The following RBFOX1 variants were observed in gnomAD, a reference collection of about 807,000 sequenced individuals.
RBFOX1 encodes the protein RNA binding protein fox-1 homolog 1.
In RBFOX1, 8 loss-of-function variants were observed where a neutral mutation model predicts 57.7. The observed-to-expected ratio is 0.14, with a 90% CI of 0.08 to 0.25. RBFOX1 has a LOEUF of 0.25. Ranked by LOEUF, RBFOX1 falls within the 10% of genes least tolerant of loss-of-function variation. The probability of loss-of-function intolerance (pLI) is 1.00; values close to 1 mark genes in which losing one functional copy is unlikely to be tolerated. For missense variants in RBFOX1, 611 were observed against 548.5 expected, an observed-to-expected ratio of 1.11 and a Z score of -1.14; for synonymous variants, 326 against 222.4, an observed-to-expected ratio of 1.47 and a Z score of -4.15.
At chr16:5,450,634 C>G (rs1287519460) in intron 1 of RBFOX1, among the ~76,000 whole-genome samples, 3 of 152,062 alleles carry the variant, frequency 2.0e-5, no homozygotes, top group African/African-American at 7.2e-5. Context: ...ATCTCAGTGC[C>G]AAGGAAAGGA....
At chr16:6,264,730 G>C (rs2097722640) in intron 1 of RBFOX1, among the ~76,000 whole-genome samples, 1 of 152,202 alleles carries the variant, frequency 6.6e-6, no homozygotes, top group Non-Finnish European at 1.5e-5. Context: ...CTAAGTGCCA[G>C]GCAGGTGCTC....
intron 4 of RBFOX1, among the ~76,000 whole-genome samples, chr16:7,443,863 G>A (rs188161530): frequency 9.2e-5 from 14 of 152,280 alleles, no homozygotes; most frequent in East Asian, 1.9e-4. Flanking sequence ...TGCACGTGGC[G>A]TGAAAATTTT....
intron 2 of RBFOX1, among the ~76,000 whole-genome samples, chr16:6,380,079 G>A (rs2091636060): frequency 6.6e-6 from 1 of 152,124 alleles, no homozygotes; most frequent in African/African-American, 2.4e-5. Flanking sequence ...GATTTGAAGA[G>A]AGTAGCATTT....
At chr16:6,390,846 C>T (rs1003370945) in intron 2 of RBFOX1, among the ~76,000 whole-genome samples, 2 of 151,956 alleles carry the variant, frequency 1.3e-5, no homozygotes, top group African/African-American at 2.4e-5. Context: ...AAGAAAGAGC[C>T]GGGCCAGGGT....
intron 1 of RBFOX1, among the ~76,000 whole-genome samples, chr16:5,253,007 C>A (rs951924221): frequency 7.9e-5 from 12 of 152,238 alleles, no homozygotes; most frequent in African/African-American, 2.9e-4. Flanking sequence ...GTGCCTGATT[C>A]ATCAGCGTGA....
chr16:6,464,725 A>T (rs1181666539), intron 2 of RBFOX1, among the ~76,000 whole-genome samples: 1 of 152,256 alleles, frequency 6.6e-6, no homozygotes, highest in Non-Finnish European at 1.5e-5. Context: ...TACACCTTCC[A>T]TATGGATTAC....
At chr16:5,292,048 A>T (rs1049646975) in intron 1 of RBFOX1, among the ~76,000 whole-genome samples, 2 of 151,666 alleles carry the variant, frequency 1.3e-5, no homozygotes, top group African/African-American at 4.9e-5. Flanking sequence ...CCCTAAACAT[A>T]TGAATGTTTT....
chr16:5,409,127 C>T (rs2066944018), intron 1 of RBFOX1, among the ~76,000 whole-genome samples: 1 of 152,196 alleles, frequency 6.6e-6, no homozygotes, highest in Non-Finnish European at 1.5e-5. Context: ...CAGCAAGAAA[C>T]AGGAATCAGA....
At chr16:6,291,574 A>C (rs553052326) in intron 1 of RBFOX1, among the ~76,000 whole-genome samples, 8 of 152,200 alleles carry the variant, frequency 5.3e-5, no homozygotes, top group Non-Finnish European at 8.8e-5. Flanking sequence ...AATGGCTACA[A>C]AGATGGAAAG....
At chr16:6,490,408 T>A (rs1421985571) in intron 2 of RBFOX1, among the ~76,000 whole-genome samples, 1 of 152,208 alleles carries the variant, frequency 6.6e-6, no homozygotes, top group Non-Finnish European at 1.5e-5. Flanking sequence ...ATGTATGGGT[T>A]TGTACTTGAA....
At chr16:6,547,942 A>G (rs2096918669) in intron 2 of RBFOX1, among the ~76,000 whole-genome samples, 1 of 152,198 alleles carries the variant, frequency 6.6e-6, no homozygotes, top group South Asian at 2.1e-4. Context: ...AAAGACCCTT[A>G]GCTGGGAAAC....
rs74393749 is a variant in RBFOX1, at chr16:5,667,826, G to A, written c.318+68865G>A. On this transcript the variant is annotated intron_variant, in intron 3 of 19. Coordinates refer to the RBFOX1 transcript ENST00000641259. ...TATCATCTCCCCAGGTTCACCAAGAGGATATTTCTGGTAATGAGACTTTAT... is the reference window on the plus strand; with the variant it reads ...TATCATCTCCCCAGGTTCACCAAGAAGATATTTCTGGTAATGAGACTTTAT... Among the ~76,000 whole-genome samples, 216 of 152,282 alleles carry A rather than the reference G, an allele frequency of 1.4e-3. 2 individuals carry two copies. The highest frequency in any genetic ancestry group is 4.4e-3 in the Admixed American group (68 of 15,290).
chr16:6,198,214 A>G (rs1436469340), intron 1 of RBFOX1, among the ~76,000 whole-genome samples: 2 of 152,168 alleles, frequency 1.3e-5, no homozygotes, highest in Non-Finnish European at 1.5e-5. Context: ...CATGCTTCAG[A>G]CAGACCTTCT....
At chr16:5,477,787 A>G (rs2069383447) in intron 2 of RBFOX1, among the ~76,000 whole-genome samples, 1 of 152,136 alleles carries the variant, frequency 6.6e-6, no homozygotes, top group Non-Finnish European at 1.5e-5. Flanking sequence ...ACCTCCTAGA[A>G]ATTCGTACTT....
chr16:5,907,424 C>A (rs749621304), intron 4 of RBFOX1, among the ~76,000 whole-genome samples: 3 of 152,000 alleles, frequency 2.0e-5, no homozygotes, highest in Non-Finnish European at 4.4e-5. Flanking sequence ...TTTCAGAGCA[C>A]GTTGCACCTT....
At chr16:7,018,608 G>A (rs1019096682) in intron 3 of RBFOX1, among the ~76,000 whole-genome samples, 1 of 152,034 alleles carries the variant, frequency 6.6e-6, no homozygotes, top group African/African-American at 2.4e-5. Flanking sequence ...TGGGATGACT[G>A]GGTCAAATGT....
intron 4 of RBFOX1, among the ~76,000 whole-genome samples, chr16:7,368,294 G>A (rs2097501287): frequency 6.6e-6 from 1 of 151,486 alleles, no homozygotes; most frequent in Non-Finnish European, 1.5e-5. Flanking sequence ...GAGAAGAAAG[G>A]CCGTAAGTAT....
chr16:7,130,652 A>G (rs976047090), intron 4 of RBFOX1, among the ~76,000 whole-genome samples: 3 of 152,212 alleles, frequency 2.0e-5, no homozygotes, highest in Admixed American at 6.5e-5. Flanking sequence ...TGACATCTCC[A>G]GTGCCTTTTT....
rs143943585 is a variant in RBFOX1 at position 7,037,205 on chromosome 16, T to G, written c.-15-14852T>G. Among the ~76,000 whole-genome samples, 174 of 150,672 alleles carry G rather than the reference T, an allele frequency of 1.2e-3. 1 individual carries two copies. Among genetic ancestry groups the G allele is most frequent in the African/African-American group, 4.0e-3 (162 of 40,826 alleles). On this transcript the variant is annotated intron_variant, in intron 3 of 15. Coordinates refer to ENST00000550418, the MANE Select transcript of RBFOX1 (RefSeq NM_018723.4). ...TTAGAATGCCTTAGCCATCTGGGAA[T>G]GCAGCCCAGTAGGTCTTAGCCTCTT...
Sources: allele counts gnomAD v4.1 joint callset (sites outside exome capture counted in the v4.1 genomes callset), GRCh38; gene constraint gnomAD v4.1.1; transcripts MANE v1.5; gene names NCBI Gene and HGNC (gene_info 2026-07-23, HGNC 2026-07-21).